The following GXYLT1 variants were observed in gnomAD, a reference collection of about 807,000 sequenced individuals.
The protein encoded by GXYLT1 is glucoside xylosyltransferase 1, also known as glycosyltransferase 8 domain containing 3.
GXYLT1 carries 29 observed loss-of-function variants against 54.0 expected under a neutral mutation model. The ratio of observed to expected loss-of-function variants is 0.54; its 90% CI spans 0.40 to 0.73. The LOEUF (loss-of-function observed/expected upper bound fraction) is 0.73, where lower values mean the gene tolerates loss of function less well. Among genes scored for constraint, GXYLT1 ranks in the 30% least tolerant of loss-of-function variants. The pLI is 0.00. For synonymous variants in GXYLT1, 176 were observed against 204.1 expected, an observed-to-expected ratio of 0.86 and a Z score of 1.17; for missense variants, 490 against 553.4, an observed-to-expected ratio of 0.89 and a Z score of 1.15.
intron 2 of GXYLT1, among the ~76,000 whole-genome samples, chr12:42,126,250 T>C (rs2065561609): frequency 6.6e-6 from 1 of 152,014 alleles, no homozygotes; most frequent in South Asian, 2.1e-4. Context: ...ATTTTTGTAT[T>C]TTTAGTTGAG....
chr12:42,088,914 C>G, intron 7 of GXYLT1, among the ~76,000 whole-genome samples: 1 of 43,052 alleles, frequency 2.3e-5, no homozygotes, highest in South Asian at 1.6e-3. Context: ...CTTAGTGAGT[C>G]TGCAGGAAGC....
At chr12:42,119,362 C>T (rs2065516985) in intron 2 of GXYLT1, among the ~76,000 whole-genome samples, 191 bp from the exon 3 acceptor site, 1 of 151,302 alleles carries the variant, frequency 6.6e-6, no homozygotes, top group Non-Finnish European at 1.5e-5. Context: ...GCTATGACTG[C>T]ATCACTATAC....
At chr12:42,114,897 C>A (rs2136900793) in intron 3 of GXYLT1, among the ~76,000 whole-genome samples, 1 of 152,132 alleles carries the variant, frequency 6.6e-6, no homozygotes, top group South Asian at 2.1e-4. Flanking sequence ...TACTGGCAAA[C>A]CGAATCCAGC....
At chr12:42,116,758 C>A (rs2065498077) in intron 3 of GXYLT1, among the ~76,000 whole-genome samples, 1 of 152,138 alleles carries the variant, frequency 6.6e-6, no homozygotes, top group South Asian at 2.1e-4. Flanking sequence ...TACCATTTGA[C>A]CCAGCCATCC....
intron 5 of GXYLT1, among the ~76,000 whole-genome samples, chr12:42,104,691 G>A (rs1270915892): frequency 6.6e-6 from 1 of 152,112 alleles, no homozygotes; most frequent in East Asian, 1.9e-4. Flanking sequence ...AAAGGTAAGA[G>A]GAAACAGTTC....
chr12:42,136,495 T>C (rs1206132764), intron 1 of GXYLT1, among the ~76,000 whole-genome samples: 3 of 152,152 alleles, frequency 2.0e-5, no homozygotes, highest in Admixed American at 2.0e-4. Flanking sequence ...ACTTTTTCAC[T>C]GTGGATCAAA....
chr12:42,087,924 G>C lies in GXYLT1; in HGVS notation c.1185C>G (p.Ile395Met), dbSNP rs780599778. 1.3e-6 allele frequency: 2 copies of C among 1,551,822 alleles called. No homozygotes were observed. Among genetic ancestry groups the C allele is most frequent in the Non-Finnish European group, 1.7e-6 (2 of 1,150,648 alleles). The stretch of plus-strand genomic sequence containing the variant: ...GTTCTAAAGGTTTTAATAAGGAACG[G>C]ATGTTGTCATCTTCAAAAGAACACT... ...LRNCSFEDDN[I>M]RSLLKPLELE... The change falls in exon 8 of 8, where the codon ATC (isoleucine) becomes ATG (methionine). Residue 395 changes from isoleucine to methionine, a missense_variant. Coordinates refer to ENST00000398675, the MANE Select transcript of GXYLT1 (RefSeq NM_173601.2).
At chr12:42,139,342 T>C (rs1262564691) in intron 1 of GXYLT1, among the ~76,000 whole-genome samples, 1 of 152,230 alleles carries the variant, frequency 6.6e-6, no homozygotes, top group Non-Finnish European at 1.5e-5. Context: ...GACTAAGAAT[T>C]TGCTATGGTC....
At chr12:42,126,752 A>C (rs184770700) in intron 2 of GXYLT1, among the ~76,000 whole-genome samples, 14 of 152,154 alleles carry the variant, frequency 9.2e-5, no homozygotes, top group Admixed American at 5.2e-4. Context: ...GCGCAGTGGC[A>C]GATGCCTGTA....
chr12:42,089,274 G>A (rs2065315359), intron 7 of GXYLT1, among the ~76,000 whole-genome samples: 1 of 142,606 alleles, frequency 7.0e-6, no homozygotes, highest in African/African-American at 2.6e-5. Flanking sequence ...ATTCATAGGT[G>A]AGAACTGAAC....
At chr12:42,114,767 C>T (rs912971809) in intron 3 of GXYLT1, among the ~76,000 whole-genome samples, 25 of 152,140 alleles carry the variant, frequency 1.6e-4, no homozygotes, top group African/African-American at 5.8e-4. Flanking sequence ...GGAATCCTCC[C>T]TAACTCATTT....
At chr12:42,102,657 T>A (rs1251270520) in intron 5 of GXYLT1, among the ~76,000 whole-genome samples, 2 of 151,884 alleles carry the variant, frequency 1.3e-5, no homozygotes, top group African/African-American at 2.4e-5. Context: ...AAAGAAAAAA[T>A]TCCCACCATG....
rs1337449255 is a variant in GXYLT1 at position 42,105,933 on chromosome 12, T to G, written c.749A>C (p.Glu250Ala). Residue 250 changes from glutamate to alanine, a missense_variant, in exon 5 of 8, where the codon GAA (glutamate) becomes GCA (alanine). Around this residue, in one of 2 missense-constraint regions of GXYLT1, gnomAD observed 342 missense variants for 342.6 expected, o/e 1.00. Coordinates refer to ENST00000398675, the MANE Select transcript of GXYLT1 (RefSeq NM_173601.2). Reference protein sequence around the residue: ...QIAAMAPEHEEPRIGWYNRFA... With the variant: ...QIAAMAPEHEAPRIGWYNRFA... ...GCGATTATACCATCCTATTCGAGGT[T>G]CCTCATGTTCTGGTGCCATTGCAGC... 6.2e-7 allele frequency: 1 copy of G among 1,614,022 alleles called. No individual in the cohort carries two copies. Among genetic ancestry groups the G allele is most frequent in the Non-Finnish European group, 8.5e-7 (1 of 1,179,984 alleles).
intron 1 of GXYLT1, among the ~76,000 whole-genome samples, chr12:42,142,775 T>C (rs1280135920): frequency 6.6e-6 from 1 of 152,208 alleles, no homozygotes; most frequent in African/African-American, 2.4e-5. Context: ...AATCCAACTT[T>C]TCCACGTTGT....
At chr12:42,141,663 T>G (rs2065653110) in intron 1 of GXYLT1, among the ~76,000 whole-genome samples, 1 of 152,210 alleles carries the variant, frequency 6.6e-6, no homozygotes, top group South Asian at 2.1e-4. Flanking sequence ...AGTTTCTATT[T>G]ATCAATTATA....
intron 3 of GXYLT1, among the ~76,000 whole-genome samples, chr12:42,118,677 G>T (rs937436953): frequency 8.5e-5 from 13 of 152,170 alleles, no homozygotes; most frequent in Admixed American, 3.9e-4. Context: ...CATGGGGGCC[G>T]TTTCCCCCTT....
chr12:42,131,996 C>CT (rs2065596111), intron 1 of GXYLT1, among the ~76,000 whole-genome samples: 1 of 152,122 alleles, frequency 6.6e-6, no homozygotes, highest in African/African-American at 2.4e-5. Flanking sequence ...TCCATATCCC[C>CT]TGTCAAACTC....
chr12:42,113,676 A>T (rs1156911177), intron 3 of GXYLT1, among the ~76,000 whole-genome samples: 1 of 150,864 alleles, frequency 6.6e-6, no homozygotes, highest in Non-Finnish European at 1.5e-5. Flanking sequence ...CCCACACAAT[A>T]ATGGGAGACT....
chr12:42,113,206 G>C (rs1476174002), intron 3 of GXYLT1, among the ~76,000 whole-genome samples: 1 of 151,000 alleles, frequency 6.6e-6, no homozygotes, highest in Non-Finnish European at 1.5e-5. Context: ...ATCAAAGCTA[G>C]GAAGAAACTA....
Sources: gnomAD v4.1 joint callset for allele counts (sites outside exome capture counted in the v4.1 genomes callset) on GRCh38, gnomAD v4.1.1 for gene constraint, gnomAD v4.1.1 regional missense constraint, MANE v1.5 for transcripts, NCBI Gene and HGNC (gene_info 2026-07-23, HGNC 2026-07-21) for gene names.